Variants in OTUD4 observed in about 807,000 individuals in gnomAD.
OTUD4 encodes OTU deubiquitinase 4.
OTUD4 carries 24 observed loss-of-function variants against 130.4 expected under a neutral mutation model. The ratio of observed to expected loss-of-function variants is 0.18; its 90% CI spans 0.13 to 0.26. The LOEUF is 0.26. OTUD4 is among the 10% of genes least tolerant of loss of function. The pLI is 1.00. For synonymous variants in OTUD4, 420 were observed against 472.5 expected (o/e 0.89, Z 1.44); for missense variants, 1,031 against 1,329.4 (o/e 0.78, Z 3.49).
At position 145,150,697 on chromosome 4, in the gene OTUD4, C is replaced by T. The variant is rs756803019; in HGVS notation, c.1075G>A (p.Val359Met). ...STSGQNFHSD[V>M]DYRGPKNPSK... ...GGATTCTTTGGCCCTCTGTAATCCA[C>T]ATCTGTTGTAAGAACCCAAAAGTAC... is the stretch of plus-strand genomic sequence containing the variant. The change falls in exon 13 of 21, where the codon GTG becomes ATG. Residue 359 changes from valine (V) to methionine (M), a missense_variant and splice_region_variant. Val to Met is a conservative substitution (Grantham distance 21). Coordinates refer to ENST00000447906, the MANE Select transcript of OTUD4 (RefSeq NM_001366057.1). The T allele has an allele frequency of 2.5e-6, 4 of 1,607,490 alleles. No homozygotes were observed. Among genetic ancestry groups the T allele is most frequent in the South Asian group, 2.2e-5 (2 of 90,924 alleles).
chr4:145,152,070 G>C (rs1023875789), intron 11 of OTUD4, among the ~76,000 whole-genome samples: 1 of 152,174 alleles, frequency 6.6e-6, no homozygotes, highest in African/African-American at 2.4e-5. Flanking sequence ...TTGACAATGT[G>C]CAAAATACTA....
At chr4:145,156,667 G>C (rs549025821) in intron 7 of OTUD4, among the ~76,000 whole-genome samples, 11 of 150,792 alleles carry the variant, frequency 7.3e-5, no homozygotes, top group African/African-American at 2.2e-4. Context: ...TGGGCAGCAA[G>C]AGCGAAACTC....
chr4:145,165,327 GAATATTATA>G (rs1232897611), intron 3 of OTUD4, 130 bp from the exon 4 acceptor site: 2 of 544,892 alleles, frequency 3.7e-6, no homozygotes, highest in African/African-American at 3.8e-5. Flanking sequence ...GTAGTATTGT[GAATATTATA>G]AAAACGTTTA....
At chr4:145,166,943 T>C (rs1449881403) in intron 3 of OTUD4, among the ~76,000 whole-genome samples, 32 of 152,182 alleles carry the variant, frequency 2.1e-4, no homozygotes, top group Admixed American at 2.1e-3. Flanking sequence ...CACTCAAGAT[T>C]AAGTTTTAAA....
At chr4:145,152,832 T>C (rs1751126250) in intron 10 of OTUD4, among the ~76,000 whole-genome samples, 197 bp from the exon 11 acceptor site, 1 of 151,790 alleles carries the variant, frequency 6.6e-6, no homozygotes, top group Non-Finnish European at 1.5e-5. Flanking sequence ...GGGATTCTCC[T>C]ACCTTAGCCT....
At chr4:145,160,145 T>C (rs927591648) in intron 6 of OTUD4, among the ~76,000 whole-genome samples, 1 of 152,214 alleles carries the variant, frequency 6.6e-6, no homozygotes, top group African/African-American at 2.4e-5. Context: ...AAGAGGAATA[T>C]AGTATAGTAC....
intron 4 of OTUD4, 27 bp downstream of exon 4, chr4:145,165,118 ATTTTCT>A: frequency 7.7e-7 from 1 of 1,301,960 alleles, no homozygotes; most frequent in Non-Finnish European, 1.1e-6. Context: ...CACTGGTTTC[ATTTTCT>A]TTTACTTATG....
rs1751437583 is a variant in OTUD4, at chr4:145,159,236, C to A, written c.629+267G>T. 6.5e-6 allele frequency: 8 copies of A among 1,240,294 alleles called. No individual in the cohort carries two copies. The South Asian group carries it at 1.3e-4, about 20-fold the overall frequency. 76.8% of individuals were successfully genotyped at this position (1,240,294 alleles called of 1,614,324 possible). A position where few individuals can be genotyped will look rare whatever the true frequency, so the allele number is the denominator to read the frequency against. On this transcript the variant is annotated intron_variant, in intron 7 of 20. Coordinates refer to ENST00000447906, the MANE Select transcript of OTUD4 (RefSeq NM_001366057.1). Reference sequence around the variant, plus strand: ...ACAATACACACACATATAGGTAGGACCAAATTTATTCTACAAATATGCATC... The same window carrying A: ...ACAATACACACACATATAGGTAGGAACAAATTTATTCTACAAATATGCATC...
At chr4:145,155,264 G>A in intron 10 of OTUD4, 147 bp downstream of exon 10, 1 of 651,870 alleles carries the variant, frequency 1.5e-6, no homozygotes, top group Non-Finnish European at 2.7e-6. Flanking sequence ...CTAAATACTT[G>A]TAAACTATTA....
chr4:145,161,757 A>G (rs1363211736), intron 6 of OTUD4, among the ~76,000 whole-genome samples: 1 of 152,228 alleles, frequency 6.6e-6, no homozygotes, highest in Non-Finnish European at 1.5e-5. Context: ...CTGGCCGAAA[A>G]TATCAATAGT....
At chr4:145,167,356 C>G (rs1751927503) in intron 3 of OTUD4, among the ~76,000 whole-genome samples, 1 of 152,138 alleles carries the variant, frequency 6.6e-6, no homozygotes, top group South Asian at 2.1e-4. Context: ...TAAAAGTTAG[C>G]TCTGATTTTC....
intron 14 of OTUD4, among the ~76,000 whole-genome samples, chr4:145,144,751 C>A (rs1750740747): frequency 6.6e-6 from 1 of 152,056 alleles, no homozygotes; most frequent in Non-Finnish European, 1.5e-5. Flanking sequence ...TCAAAAAAAA[C>A]AACATCTTCT....
At chr4:145,179,615 G>A (rs1752593482) in intron 1 of OTUD4, 200 bp downstream of exon 1, 1 of 1,386,796 alleles carries the variant, frequency 7.2e-7, no homozygotes, top group Non-Finnish European at 9.3e-7. Context: ...TTAATTTGCG[G>A]GCTTTCGAGT....
Position 145,134,438 on chromosome 4 carries a change from T to A in OTUD4, c.*2992A>T, listed in dbSNP as rs1436542085. ...ATTGCTAGTTTCTAGGATGGCTGAA[T>A]GTTTTCTAAACCAGAAATGGTTAGA... On this transcript the variant is annotated 3_prime_UTR_variant, in exon 21 of 21. Coordinates refer to ENST00000447906, the MANE Select transcript of OTUD4 (RefSeq NM_001366057.1). 1 of 352,418 alleles carries A rather than the reference T, an allele frequency of 2.8e-6. No homozygotes were observed. The highest frequency in any genetic ancestry group is 4.2e-5 in the East Asian group (1 of 23,854). 21.8% of individuals were successfully genotyped at this position (352,418 alleles called of 1,614,324 possible).
intron 7 of OTUD4, among the ~76,000 whole-genome samples, chr4:145,156,860 G>A (rs1220350592): frequency 6.6e-6 from 1 of 152,162 alleles, no homozygotes; most frequent in Non-Finnish European, 1.5e-5. Flanking sequence ...ACATAGGTTT[G>A]AACTGTGCAG....
chr4:145,157,781 A>G (rs1007054203), intron 7 of OTUD4, among the ~76,000 whole-genome samples: 2 of 152,092 alleles, frequency 1.3e-5, no homozygotes, highest in African/African-American at 4.8e-5. Context: ...AAAGAAAAAC[A>G]CAATAGTGAA....
At chr4:145,152,503 G>GGA (rs1751110477) in intron 11 of OTUD4, 38 bp downstream of exon 11, 1 of 1,072,698 alleles carries the variant, frequency 9.3e-7, no homozygotes, top group Non-Finnish European at 1.4e-6. Context: ...GCTAAATGGA[G>GGA]GAGGCAGTAA....
At chr4:145,151,419 A>G (rs1433139023) in intron 11 of OTUD4, among the ~76,000 whole-genome samples, 1 of 152,158 alleles carries the variant, frequency 6.6e-6, no homozygotes, top group Non-Finnish European at 1.5e-5. Flanking sequence ...GCAGATCACA[A>G]GGTCAGGGGT....
intron 10 of OTUD4, among the ~76,000 whole-genome samples, chr4:145,153,143 A>G (rs1018422475): frequency 2.0e-5 from 3 of 152,226 alleles, no homozygotes; most frequent in Admixed American, 6.5e-5. Context: ...CCAGACCTCC[A>G]TATCTCCTAC....
Sources: allele counts gnomAD v4.1 joint callset (sites outside exome capture counted in the v4.1 genomes callset), GRCh38; gene constraint gnomAD v4.1.1; transcripts MANE v1.5; gene names NCBI Gene and HGNC (gene_info 2026-07-23, HGNC 2026-07-21).